The following SEC16A variants were observed in gnomAD, a reference collection of about 807,000 sequenced individuals.
SEC16A encodes the protein protein transport protein Sec16A.
SEC16A carries 110 observed loss-of-function variants against 221.9 expected under a neutral mutation model. The observed-to-expected ratio is 0.50, with a 90% confidence interval of 0.42 to 0.58. The LOEUF (loss-of-function observed/expected upper bound fraction) is 0.58, where lower values mean the gene tolerates loss of function less well. SEC16A is among the 20% of genes least tolerant of loss of function. The pLI is 0.00. For missense variants in SEC16A, 3,165 were observed against 3,097.8 expected, an observed-to-expected ratio of 1.02 and a Z score of -0.52; for synonymous variants, 1,393 against 1,257.7, an observed-to-expected ratio of 1.11 and a Z score of -2.28.
At chr9:136,471,167 C>A (rs960794880) in intron 4 of SEC16A, among the ~76,000 whole-genome samples, 2 of 151,702 alleles carry the variant, frequency 1.3e-5, no homozygotes, top group African/African-American at 4.8e-5. Context: ...GCGGCAATGT[C>A]AAGGAGAAAC....
chr9:136,465,746 G>A (rs896837864), intron 8 of SEC16A, among the ~76,000 whole-genome samples: 12 of 152,324 alleles, frequency 7.9e-5, no homozygotes, highest in Non-Finnish European at 1.3e-4. Context: ...TGTCGGGGCA[G>A]GCAGGGCAGC....
intron 1 of SEC16A, among the ~76,000 whole-genome samples, chr9:136,482,591 G>C (rs1353238738): frequency 6.6e-6 from 1 of 152,244 alleles, no homozygotes; most frequent in Non-Finnish European, 1.5e-5. Context: ...CTTCTAGCCG[G>C]TGAGGACAAG....
intron 8 of SEC16A, among the ~76,000 whole-genome samples, chr9:136,464,914 G>A (rs73670281): frequency 0.01 from 1,585 of 152,146 alleles, 22 homozygotes; most frequent in African/African-American, 0.035. Flanking sequence ...TTCAGACTGC[G>A]ATGACCACAC....
At chr9:136,481,552 G>A (rs183457194) in intron 1 of SEC16A, among the ~76,000 whole-genome samples, 2 of 152,310 alleles carry the variant, frequency 1.3e-5, no homozygotes, top group Non-Finnish European at 1.5e-5. Flanking sequence ...AAACTGCCTT[G>A]TAACCATGTG....
At chr9:136,450,178 T>TG (rs1415199195) in intron 23 of SEC16A, among the ~76,000 whole-genome samples, 7 of 152,164 alleles carry the variant, frequency 4.6e-5, no homozygotes, top group African/African-American at 7.2e-5. Context: ...CACTCCAGCC[T>TG]GGCTGACAGA....
intron 18 of SEC16A, among the ~76,000 whole-genome samples, chr9:136,456,909 T>C (rs2132194397): frequency 6.6e-6 from 1 of 152,354 alleles, no homozygotes; most frequent in South Asian, 2.1e-4. Context: ...GGCTCACGCC[T>C]GTAATCCCAG....
In SEC16A at chr9:136,474,076, C is replaced by A. The variant is rs1323675953; in HGVS notation, c.3540G>T (p.Glu1180Asp). 1 of 1,607,834 alleles carries A rather than the reference C, an allele frequency of 6.2e-7. No homozygotes were observed. Among genetic ancestry groups the A allele is most frequent in the Non-Finnish European group, 8.5e-7 (1 of 1,176,180 alleles). Residue 1180 changes from glutamate (E) to aspartate (D), a missense_variant, in exon 3 of 32, where the codon GAG becomes GAT. By Grantham distance (45) the Glu-to-Asp change is conservative. Coordinates refer to ENST00000684901, the MANE Select transcript of SEC16A (RefSeq NM_014866.2). ...GGTAATAGAGGGAGGCTGCGCCAGGCTCCGGTGGGTACGGCAAAGAGTACT... is the reference window on the plus strand; with the variant it reads ...GGTAATAGAGGGAGGCTGCGCCAGGATCCGGTGGGTACGGCAAAGAGTACT... Reference protein sequence around the residue: ...QPQYSLPYPPEPGAASLYYQD... With the variant: ...QPQYSLPYPPDPGAASLYYQD...
intron 22 of SEC16A, among the ~76,000 whole-genome samples, chr9:136,453,085 A>AG (rs1564471065): frequency 1.1e-5 from 1 of 94,444 alleles, no homozygotes; most frequent in South Asian, 2.8e-4. Context: ...AAAAAAAAAG[A>AG]AAAAAAAAAG....
Position 136,445,704 on chromosome 9 carries a change from CT to C in SEC16A, c.6807del (p.Ala2270ArgfsTer27). The C allele has an allele frequency of 6.4e-7, 1 of 1,553,620 alleles. No homozygotes were observed. Among genetic ancestry groups the C allele is most frequent in the South Asian group, 1.2e-5 (1 of 83,994 alleles). ...GGGAGTTCAGAGCCAGGGAGTGACG[CT>C]GCAGAGCTTAAAACCTGCCGAGGAA... ...PAPEPKVLSSAASLPGSELPS... is the reference protein window; with the variant it reads ...PAPEPKVLSSXASLPGSELPS... On this transcript the variant is annotated frameshift_variant, in exon 29 of 32. Coordinates refer to ENST00000684901, the MANE Select transcript of SEC16A (RefSeq NM_014866.2). LOFTEE classifies it high-confidence loss of function.
At position 136,447,088 on chromosome 9, in the gene SEC16A, C is replaced by G; in HGVS notation, c.6697+139G>C. 1 of 1,513,842 alleles carries G rather than the reference C, an allele frequency of 6.6e-7. No homozygotes were observed. Among genetic ancestry groups the G allele is most frequent in the Non-Finnish European group, 8.8e-7 (1 of 1,131,048 alleles). The allele number at this position is 1,513,842 out of a possible 1,614,324, so 93.8% of individuals were successfully genotyped here. A position where few individuals can be genotyped will look rare whatever the true frequency, so the allele number is the denominator to read the frequency against. ...AGAAACAGGCAAATCAAAAAAAAAA[C>G]CACAAACCAACCCCAGGCTCTCTGC... On this transcript the variant is annotated intron_variant, in intron 27 of 31. Transcript: ENST00000684901. The surrounding 1 kb of genome is among the most constrained non-coding windows in gnomAD (Gnocchi z 5.5).
chr9:136,458,433 C>T (rs1209797325), intron 17 of SEC16A, among the ~76,000 whole-genome samples: 2 of 148,380 alleles, frequency 1.3e-5, no homozygotes, highest in Non-Finnish European at 3.0e-5. Context: ...TCAAGACCAT[C>T]CTGGCTAACA....
At chr9:136,444,156 G>A in intron 30 of SEC16A, 1 of 333,850 alleles carries the variant, frequency 3.0e-6, no homozygotes, top group Non-Finnish European at 5.5e-6. Flanking sequence ...ACACAGCACT[G>A]AGGTGGCACC....
At chr9:136,479,571 C>T (rs898897898) in intron 1 of SEC16A, among the ~76,000 whole-genome samples, 2 of 152,250 alleles carry the variant, frequency 1.3e-5, no homozygotes, top group East Asian at 3.9e-4. Flanking sequence ...CCAGGATGGT[C>T]TTGATCTCCT....
rs1414254036 is a variant in SEC16A, at chr9:136,469,507, T to TA, written c.3705-996dup. Among the ~76,000 whole-genome samples, 4 of 151,900 alleles carry TA rather than the reference T, an allele frequency of 2.6e-5. No homozygotes were observed. The East Asian group carries it at 5.8e-4, about 22-fold the overall frequency. On this transcript the variant is annotated intron_variant, in intron 4 of 31. Coordinates refer to ENST00000684901, the MANE Select transcript of SEC16A (RefSeq NM_014866.2). ...GTGAGACCCTGTCTCCATAAAACAG[T>TA]AAAAAAATTAGCCAGGCATGGTGGC...
intron 3 of SEC16A, among the ~76,000 whole-genome samples, chr9:136,473,302 CTG>C (rs1293953799): frequency 1.1e-4 from 17 of 152,244 alleles, no homozygotes; most frequent in Admixed American, 2.6e-4. Context: ...TGGGGTGACA[CTG>C]AATCGGTGAA....
At chr9:136,472,905 C>T (rs1265277083) in intron 3 of SEC16A, among the ~76,000 whole-genome samples, 4 of 152,224 alleles carry the variant, frequency 2.6e-5, no homozygotes, top group South Asian at 2.1e-4. Flanking sequence ...GGAGGTGGCT[C>T]GCAGCAGGAG....
chr9:136,453,553 A>AGGCGGGACGTGTGTGT, intron 21 of SEC16A, 43 bp from the exon 22 acceptor site: 1 of 1,520,630 alleles, frequency 6.6e-7, no homozygotes, highest in Non-Finnish European at 9.1e-7. Flanking sequence ...AGTCACGAGA[A>AGGCGGGACGTGTGTGT]GGCGGGACGT....
At chr9:136,448,466 C>A in intron 23 of SEC16A, 1 of 696,794 alleles carries the variant, frequency 1.4e-6, no homozygotes, top group East Asian at 2.7e-5. Context: ...AGCAGATCCA[C>A]AGAGACACCA....
chr9:136,451,639 A>C (rs1336923580), intron 22 of SEC16A, among the ~76,000 whole-genome samples: 1 of 152,174 alleles, frequency 6.6e-6, no homozygotes, highest in African/African-American at 2.4e-5. Flanking sequence ...CTTAATAAGC[A>C]GCTCCGTCTG....
Sources: gnomAD v4.1 joint callset for allele counts (sites outside exome capture counted in the v4.1 genomes callset) on GRCh38, gnomAD v4.1.1 for gene constraint, Gnocchi (gnomAD v3.1) non-coding constraint, MANE v1.5 for transcripts, NCBI Gene and HGNC (gene_info 2026-07-23, HGNC 2026-07-21) for gene names.